Variants in PUDP observed in about 807,000 individuals in gnomAD.
The protein encoded by PUDP is pseudouridine-5'-phosphatase.
A neutral mutation model predicts 9.4 loss-of-function variants in PUDP; 8 were observed. The observed-to-expected ratio is 0.85, with a 90% confidence interval of 0.50 to 1.53. The LOEUF (loss-of-function observed/expected upper bound fraction) is 1.53, where lower values mean the gene tolerates loss of function less well. Among genes scored for constraint, PUDP ranks in the 40% most tolerant of loss-of-function variants. The pLI is 0.00. For missense variants in PUDP, 188 were observed against 189.7 expected (o/e 0.99, Z 0.05); for synonymous variants, 99 against 80.7 (o/e 1.23, Z -1.22).
At chrX:6,868,798 T>C (rs1483410713) in intron 3 of PUDP, among the ~76,000 whole-genome samples, 1 of 112,048 alleles carries the variant, frequency 8.9e-6, no homozygotes, top group Non-Finnish European at 1.9e-5. Context: ...CTTGTGTGTC[T>C]TTAAATTAGG....
intron 1 of PUDP, among the ~76,000 whole-genome samples, chrX:7,011,952 C>T (rs1273543957): frequency 8.9e-6 from 1 of 112,541 alleles, no homozygotes; most frequent in African/African-American, 3.2e-5. Flanking sequence ...TCATTGAGAT[C>T]ATTTATGTTT....
upstream of PUDP, among the ~76,000 whole-genome samples, chrX:6,722,116 CA>C (rs768836556): frequency 7.7e-4 from 75 of 97,263 alleles, no homozygotes; most frequent in Non-Finnish European, 9.8e-4. Flanking sequence ...ATCGCACTAC[CA>C]AAAAAAAAAA....
At chrX:7,071,528 G>C (rs1461582270) in intron 3 of PUDP, among the ~76,000 whole-genome samples, 1 of 110,991 alleles carries the variant, frequency 9.0e-6, no homozygotes, top group African/African-American at 3.3e-5. Flanking sequence ...GACTTGTTCT[G>C]TTCAGCACTA....
At chrX:7,043,199 C>T (rs1266623107) in intron 1 of PUDP, among the ~76,000 whole-genome samples, 3 of 111,837 alleles carry the variant, frequency 2.7e-5, no homozygotes, top group Admixed American at 1.9e-4. Context: ...GCAAAACCCA[C>T]GTTGAAATTT....
intron 1 of PUDP, among the ~76,000 whole-genome samples, chrX:7,027,961 T>C (rs1215623205): frequency 6.8e-5 from 7 of 102,879 alleles, no homozygotes; most frequent in Non-Finnish European, 1.4e-4. Flanking sequence ...TTATTCTATA[T>C]ATATTTTATA....
chrX:6,826,446 G>A (rs138214887), intron 3 of PUDP, among the ~76,000 whole-genome samples: 2,220 of 111,522 alleles, frequency 0.02, 54 homozygotes, highest in African/African-American at 0.069. Context: ...ACCAGGTAGG[G>A]ACAATTGAAA....
intron 3 of PUDP, among the ~76,000 whole-genome samples, chrX:6,976,338 C>T (rs932993837): frequency 2.1e-4 from 23 of 111,812 alleles, no homozygotes; most frequent in African/African-American, 5.5e-4. Flanking sequence ...GTATAGATAC[C>T]GGAGGGAATC....
At chrX:6,979,797 G>A (rs1169507780) in intron 1 of PUDP, among the ~76,000 whole-genome samples, 2 of 110,493 alleles carry the variant, frequency 1.8e-5, no homozygotes, top group South Asian at 3.8e-4. Context: ...ATATCAAAAA[G>A]GAGAAAGAAT....
At chrX:6,893,586 A>C in intron 3 of PUDP, among the ~76,000 whole-genome samples, 1 of 111,802 alleles carries the variant, frequency 8.9e-6, no homozygotes, top group Non-Finnish European at 1.9e-5. Flanking sequence ...ATTAATCACT[A>C]TATGGTAGTA....
chrX:6,849,184 T>C (rs1271217552), intron 3 of PUDP, among the ~76,000 whole-genome samples: 2 of 111,620 alleles, frequency 1.8e-5, no homozygotes, highest in Admixed American at 1.9e-4. Flanking sequence ...ATGCCGCTCC[T>C]TGAAGGTGAG....
chrX:6,776,341 T>A (rs1418862552), intron 3 of PUDP, among the ~76,000 whole-genome samples: 2 of 108,890 alleles, frequency 1.8e-5, no homozygotes, highest in Admixed American at 9.9e-5. Context: ...AGACCAGTCT[T>A]GTCAACATGG....
At position 6,751,073 on chromosome X, in the gene PUDP, C is replaced by T. The variant is rs763777511; in HGVS notation, c.*248-44607G>A. ...AGGAGAATGGTGTGAACCGGGGAGGCGGAGCTTGCAGTGAGCCAAGATTGT... is the reference window on the plus strand; with the variant it reads ...AGGAGAATGGTGTGAACCGGGGAGGTGGAGCTTGCAGTGAGCCAAGATTGT... On this transcript the variant is annotated intron_variant and NMD_transcript_variant, in intron 3 of 3. Coordinates refer to the PUDP transcript ENST00000655425. Among the ~76,000 whole-genome samples, 22 of 108,561 alleles carry T rather than the reference C, an allele frequency of 2.0e-4. No individual in the cohort carries two copies. The South Asian group carries it at 2.9e-3, about 14-fold the overall frequency. The allele number at this position is 108,561 out of a possible 115,157, so 94.3% of individuals were successfully genotyped here. A position where few individuals can be genotyped will look rare whatever the true frequency, so the allele number is the denominator to read the frequency against.
chrX:6,797,428 C>T (rs923386090), intron 3 of PUDP, among the ~76,000 whole-genome samples: 8 of 111,248 alleles, frequency 7.2e-5, no homozygotes, highest in African/African-American at 9.8e-5. Context: ...GCATGACTCC[C>T]GCAGCTAGGT....
chrX:6,961,228 C>T (rs1928703577), intron 3 of PUDP, among the ~76,000 whole-genome samples: 2 of 109,504 alleles, frequency 1.8e-5, no homozygotes, highest in Admixed American at 2.0e-4. Context: ...GGTGAAACCC[C>T]ATCTCTACAA....
At chrX:7,131,402 C>CT (rs1932616601) in intron 1 of PUDP, among the ~76,000 whole-genome samples, 1 of 110,556 alleles carries the variant, frequency 9.0e-6, no homozygotes, top group Non-Finnish European at 1.9e-5. Flanking sequence ...AGTGAAGGAT[C>CT]TGGAGATGTG....
chrX:6,927,838 T>C (rs1399144516), intron 3 of PUDP, among the ~76,000 whole-genome samples: 2 of 110,958 alleles, frequency 1.8e-5, no homozygotes, highest in African/African-American at 6.6e-5. Context: ...GAGAATTCTA[T>C]GGAGGGGATT....
chrX:7,038,771 GA>G (rs1443121119), intron 1 of PUDP, among the ~76,000 whole-genome samples: 1 of 111,523 alleles, frequency 9.0e-6, no homozygotes, highest in African/African-American at 3.3e-5. Context: ...GAAATTATAG[GA>G]AAAAAGTCAT....
intron 3 of PUDP, among the ~76,000 whole-genome samples, chrX:6,765,780 G>T (rs746338744): frequency 3.1e-4 from 35 of 111,629 alleles, no homozygotes; most frequent in Middle Eastern, 4.6e-3. Flanking sequence ...CTAGCTAAAT[G>T]CCTGAAAAAG....
At chrX:6,777,156 G>A (rs1016439047) in intron 3 of PUDP, among the ~76,000 whole-genome samples, 7 of 112,155 alleles carry the variant, frequency 6.2e-5, no homozygotes, top group Non-Finnish European at 1.1e-4. Flanking sequence ...AGAAATAGAT[G>A]CTATATATTT....
Sources: allele counts gnomAD v4.1 joint callset (sites outside exome capture counted in the v4.1 genomes callset), GRCh38; gene constraint gnomAD v4.1.1; transcripts MANE v1.5; gene names NCBI Gene and HGNC (gene_info 2026-07-23, HGNC 2026-07-21).